Variants in UNC5C observed in about 807,000 individuals in gnomAD.
The protein encoded by UNC5C is unc-5 netrin receptor C.
Under a neutral mutation model 99.8 loss-of-function variants are expected in UNC5C, and 47 were observed. The observed-to-expected ratio is 0.47, with a 90% CI of 0.37 to 0.60. UNC5C has a LOEUF of 0.60. Among genes scored for constraint, UNC5C ranks in the 20% least tolerant of loss-of-function variants. The pLI is 0.00. For synonymous variants in UNC5C, 487 were observed against 452.2 expected, an observed-to-expected ratio of 1.08 and a Z score of -0.98; for missense variants, 1,062 against 1,165.9, an observed-to-expected ratio of 0.91 and a Z score of 1.30.
At chr4:95,482,195 G>A (rs71601276) in intron 1 of UNC5C, among the ~76,000 whole-genome samples, 53,600 of 150,564 alleles carry the variant, frequency 0.36, 10,534 homozygotes, top group Non-Finnish European at 0.45. Context: ...AAAAGTGGGC[G>A]AAGGACATGA....
intron 7 of UNC5C, among the ~76,000 whole-genome samples, chr4:95,239,617 G>T (rs1739256153): frequency 6.6e-6 from 1 of 152,008 alleles, no homozygotes; most frequent in Admixed American, 6.6e-5. Context: ...TTCATTTTTG[G>T]CATTTGAGGA....
intron 1 of UNC5C, among the ~76,000 whole-genome samples, chr4:95,421,619 TACACAC>T (rs3069166): frequency 6.7e-6 from 1 of 149,542 alleles, no homozygotes; most frequent in East Asian, 2.0e-4. Context: ...CACTCTCTTT[TACACAC>T]ACACACACAC....
intron 5 of UNC5C, among the ~76,000 whole-genome samples, chr4:95,246,830 T>C (rs931790783): frequency 6.6e-6 from 1 of 152,058 alleles, no homozygotes; most frequent in Non-Finnish European, 1.5e-5. Flanking sequence ...GAGGCCAAGA[T>C]GGGCAGATTG....
chr4:95,344,554 G>T (rs867021235), intron 1 of UNC5C, among the ~76,000 whole-genome samples: 1 of 151,884 alleles, frequency 6.6e-6, no homozygotes, highest in Non-Finnish European at 1.5e-5. Flanking sequence ...ATATTATAAC[G>T]TTATAATTCT....
intron 1 of UNC5C, among the ~76,000 whole-genome samples, chr4:95,466,996 C>CTT (rs1021100855): frequency 1.3e-5 from 2 of 151,984 alleles, no homozygotes; most frequent in African/African-American, 4.8e-5. Context: ...ATCATTTGCT[C>CTT]CATGGAAGCC....
chr4:95,363,822 C>A (rs925506115), intron 1 of UNC5C, among the ~76,000 whole-genome samples: 26 of 152,142 alleles, frequency 1.7e-4, no homozygotes, highest in African/African-American at 6.3e-4. Flanking sequence ...AAATTTAGAC[C>A]TAATCACCTC....
intron 1 of UNC5C, among the ~76,000 whole-genome samples, chr4:95,370,300 TG>T (rs894828854): frequency 4.1e-4 from 63 of 152,310 alleles, no homozygotes; most frequent in Middle Eastern, 3.4e-3. Context: ...TAATTTCATT[TG>T]TTTTTTTAAT....
intron 1 of UNC5C, among the ~76,000 whole-genome samples, chr4:95,364,653 T>G (rs1421695323): frequency 2.0e-5 from 3 of 152,180 alleles, no homozygotes; most frequent in African/African-American, 7.2e-5. Flanking sequence ...ATGAGTGCCT[T>G]TTTAACTCTG....
intron 1 of UNC5C, among the ~76,000 whole-genome samples, chr4:95,469,758 C>T (rs961238845): frequency 6.6e-6 from 1 of 151,932 alleles, no homozygotes; most frequent in African/African-American, 2.4e-5. Flanking sequence ...CATGTAGGTC[C>T]CATGGTGTTA....
intron 1 of UNC5C, among the ~76,000 whole-genome samples, chr4:95,535,341 T>G (rs1339035932): frequency 6.6e-6 from 1 of 152,204 alleles, no homozygotes; most frequent in Non-Finnish European, 1.5e-5. Context: ...TTTCACCTGA[T>G]GGTAACCCTA....
At chr4:95,385,879 A>G (rs937998141) in intron 1 of UNC5C, among the ~76,000 whole-genome samples, 6 of 152,184 alleles carry the variant, frequency 3.9e-5, no homozygotes, top group African/African-American at 1.4e-4. Context: ...CCTGAGAAAA[A>G]TCAAGCTCTG....
rs1739530535 is a variant in UNC5C at position 95,247,060 on chromosome 4, A to G, written c.776-1916T>C. On this transcript the variant is annotated intron_variant, in intron 5 of 15. Coordinates refer to ENST00000453304, the MANE Select transcript of UNC5C (RefSeq NM_003728.4). ...TCTCAAATAAAAAAATAAAAAAAAA[A>G]GAAAGAAAATTCAAGTAGTATACAT... Among the ~76,000 whole-genome samples, 4 of 150,570 alleles carry G rather than the reference A, an allele frequency of 2.7e-5. No homozygotes were observed. The Admixed American group carries it at 2.7e-4, about 10-fold the overall frequency.
At chr4:95,466,265 G>T (rs1052122911) in intron 1 of UNC5C, among the ~76,000 whole-genome samples, 1 of 152,106 alleles carries the variant, frequency 6.6e-6, no homozygotes, top group Admixed American at 6.5e-5. Context: ...ATAGTTTGGG[G>T]ATACTGCCTT....
intron 1 of UNC5C, among the ~76,000 whole-genome samples, chr4:95,456,469 C>T (rs1747430794): frequency 6.6e-6 from 1 of 152,020 alleles, no homozygotes; most frequent in African/African-American, 2.4e-5. Context: ...GTCATTAGAA[C>T]CTTCTTAATT....
At chr4:95,307,357 A>G (rs934841729) in intron 2 of UNC5C, among the ~76,000 whole-genome samples, 3 of 152,178 alleles carry the variant, frequency 2.0e-5, no homozygotes, top group African/African-American at 7.2e-5. Flanking sequence ...TATTATGAGT[A>G]TAATTTTGTT....
At chr4:95,348,586 CTATTCAGTCATTAAAAGTATTT>C (rs1181740342) in intron 1 of UNC5C, among the ~76,000 whole-genome samples, 24 of 148,774 alleles carry the variant, frequency 1.6e-4, no homozygotes, top group Admixed American at 4.0e-4. Flanking sequence ...CAATGGAGTA[CTATTCAGTCATTAAAAGTATTT>C]TTTAATGACT....
At chr4:95,421,339 C>T (rs541402214) in intron 1 of UNC5C, among the ~76,000 whole-genome samples, 173 of 152,230 alleles carry the variant, frequency 1.1e-3, no homozygotes, top group African/African-American at 4.0e-3. Context: ...CCCCAATAAG[C>T]CCACTGTTCT....
rs557554345 is a variant in UNC5C, at chr4:95,445,293, C to G, written c.124+103441G>C. Among the ~76,000 whole-genome samples, 201 of 151,896 alleles carry G rather than the reference C, an allele frequency of 1.3e-3. 1 individual carries two copies. The highest frequency in any genetic ancestry group is 4.6e-3 in the African/African-American group (192 of 41,416). ...TTTCTCCTGAATTTCATCTGCCCTC[C>G]AACCCTTTTTTTCCTAGATGAATTA... is the stretch of plus-strand genomic sequence containing the variant. On this transcript the variant is annotated intron_variant, in intron 1 of 15. Coordinates refer to ENST00000453304, the MANE Select transcript of UNC5C (RefSeq NM_003728.4).
At chr4:95,483,696 C>T (rs1224819167) in intron 1 of UNC5C, among the ~76,000 whole-genome samples, 1 of 151,852 alleles carries the variant, frequency 6.6e-6, no homozygotes, top group African/African-American at 2.4e-5. Flanking sequence ...TCCTTGATAA[C>T]ATCTCTTAAT....
Sources: allele counts gnomAD v4.1 joint callset (sites outside exome capture counted in the v4.1 genomes callset), GRCh38; gene constraint gnomAD v4.1.1; transcripts MANE v1.5; gene names NCBI Gene and HGNC (gene_info 2026-07-23, HGNC 2026-07-21).